Variants in APOO observed in about 807,000 individuals in gnomAD.
APOO encodes the protein MICOS complex subunit MIC26.
APOO carries 11 observed loss-of-function variants against 23.1 expected under a neutral mutation model. That is an observed-to-expected ratio of 0.48 (90% CI 0.30 to 0.79). The LOEUF is 0.79. Among genes scored for constraint, APOO ranks in the 30% least tolerant of loss-of-function variants. The pLI, the probability that APOO is intolerant of heterozygous loss-of-function variation, is 0.07. For synonymous variants in APOO, 59 were observed against 54.8 expected, an observed-to-expected ratio of 1.08 and a Z score of -0.34; for missense variants, 160 against 142.7, an observed-to-expected ratio of 1.12 and a Z score of -0.62.
At chrX:23,855,449 A>AT (rs1369920873) in intron 7 of APOO, among the ~76,000 whole-genome samples, 2 of 111,479 alleles carry the variant, frequency 1.8e-5, no homozygotes, top group Non-Finnish European at 3.8e-5. Flanking sequence ...ATTTATATGT[A>AT]TTTTTTTAAC....
chrX:23,900,264 A>G (rs889605943), intron 1 of APOO, among the ~76,000 whole-genome samples: 1 of 112,200 alleles, frequency 8.9e-6, no homozygotes, highest in African/African-American at 3.2e-5. Context: ...AGTGCTTTGT[A>G]GTTCACGGTT....
intron 1 of APOO, among the ~76,000 whole-genome samples, chrX:23,904,115 CAT>C (rs1277769594): frequency 1.8e-5 from 2 of 111,694 alleles, no homozygotes; most frequent in African/African-American, 6.5e-5. Flanking sequence ...GTAACTAACT[CAT>C]ATCTCATCTA....
chrX:23,860,597 C>T (rs1014957906), intron 5 of APOO, among the ~76,000 whole-genome samples: 3 of 109,725 alleles, frequency 2.7e-5, no homozygotes, highest in Non-Finnish European at 3.8e-5. Context: ...ACTGCAGCCT[C>T]GACCTCCCAG....
intron 3 of APOO, among the ~76,000 whole-genome samples, chrX:23,874,967 T>C (rs1454251580): frequency 1.8e-5 from 2 of 111,681 alleles, no homozygotes; most frequent in African/African-American, 3.2e-5. Context: ...AAAGGCTTTG[T>C]GGCCAGGCAT....
chrX:23,880,788 T>A, intron 2 of APOO, 57 bp downstream of exon 2: 6 of 719,039 alleles, frequency 8.3e-6, no homozygotes, highest in African/African-American at 2.2e-5. Flanking sequence ...TAAAAAATTA[T>A]CCTACAGTAA....
chrX:23,896,051 C>T (rs946687406), intron 1 of APOO, among the ~76,000 whole-genome samples: 1 of 110,456 alleles, frequency 9.1e-6, no homozygotes, highest in Non-Finnish European at 1.9e-5. Flanking sequence ...GGGCAGACCA[C>T]GAGGTCAGTG....
At chrX:23,875,481 C>T (rs958418447) in intron 3 of APOO, among the ~76,000 whole-genome samples, 2 of 102,023 alleles carry the variant, frequency 2.0e-5, no homozygotes, top group East Asian at 3.2e-4. Context: ...TGCAGTGGCG[C>T]GACCTCGGCT....
At chrX:23,851,384 G>A (rs754809495) in intron 7 of APOO, among the ~76,000 whole-genome samples, 1 of 111,107 alleles carries the variant, frequency 9.0e-6, no homozygotes, top group East Asian at 2.8e-4. Context: ...TAGTAGAGAC[G>A]GGTTTTCACC....
rs113429980 is a variant in APOO at position 23,853,255 on chromosome X, C to A, written c.561+3047G>T. On this transcript the variant is annotated intron_variant, in intron 7 of 8. Coordinates refer to ENST00000379226, the MANE Select transcript of APOO (RefSeq NM_024122.5). ...CCTGGGCAACAGAGCAAGATTCCAT[C>A]TCAAAAATAAATAAATAAACCAAAA... Among the ~76,000 whole-genome samples, 343 of 110,933 alleles carry A rather than the reference C, an allele frequency of 3.1e-3. 1 individual carries two copies. The highest frequency in any genetic ancestry group is 0.011 in the African/African-American group (322 of 30,505).
intron 1 of APOO, among the ~76,000 whole-genome samples, chrX:23,892,812 G>A (rs2147040526): frequency 9.5e-6 from 1 of 105,740 alleles, no homozygotes; most frequent in East Asian, 3.1e-4. Flanking sequence ...GAGCCACCGC[G>A]CCTGGCCTCA....
In APOO at chrX:23,880,942, C is replaced by T; in HGVS notation, c.20G>A (p.Arg7Lys). Reference protein sequence around the residue: MFKVIQRSVGPASLSLL... With the variant: MFKVIQKSVGPASLSLL... The stretch of plus-strand genomic sequence containing the variant: ...GCTCAGGCTGGCTGGCCCCACGGAC[C>T]TCTGAATTACCTGAAATGCAGAAGC... Residue 7 changes from arginine to lysine, a missense_variant, in exon 2 of 9, where the codon AGG (arginine) becomes AAG (lysine). Transcript: ENST00000379226. 8.5e-7 allele frequency: 1 copy of T among 1,174,416 alleles called. No individual in the cohort carries two copies. Among genetic ancestry groups the T allele is most frequent in the Non-Finnish European group, 1.1e-6 (1 of 877,000 alleles).
At chrX:23,843,285 A>G (rs1924078518) in intron 7 of APOO, among the ~76,000 whole-genome samples, 1 of 111,312 alleles carries the variant, frequency 9.0e-6, no homozygotes, top group African/African-American at 3.3e-5. Context: ...TTGGTTACAT[A>G]TCACTTATAG....
intron 4 of APOO, 66 bp downstream of exon 4, chrX:23,874,337 G>T: frequency 1.0e-6 from 1 of 955,913 alleles, no homozygotes; most frequent in South Asian, 2.1e-5. Flanking sequence ...CTCATTCATG[G>T]AACTCCGATT....
At chrX:23,870,306 G>C (rs761791589) in intron 4 of APOO, among the ~76,000 whole-genome samples, 53 of 111,013 alleles carry the variant, frequency 4.8e-4, no homozygotes, top group African/African-American at 1.6e-3. Flanking sequence ...CTCCTCTAAA[G>C]TCCCATCATA....
chrX:23,853,005 C>A (rs1275406073), intron 7 of APOO, among the ~76,000 whole-genome samples: 2 of 110,113 alleles, frequency 1.8e-5, no homozygotes, highest in African/African-American at 6.6e-5. Context: ...CGCCTGTAAT[C>A]CCAGCACTTT....
intron 3 of APOO, among the ~76,000 whole-genome samples, chrX:23,878,633 CTT>C (rs1315580030): frequency 3.6e-5 from 4 of 112,024 alleles, no homozygotes; most frequent in Non-Finnish European, 7.5e-5. Flanking sequence ...CAATTACACT[CTT>C]TAAGTTATTT....
At chrX:23,886,778 C>T (rs1926383821) in intron 1 of APOO, among the ~76,000 whole-genome samples, 1 of 112,016 alleles carries the variant, frequency 8.9e-6, no homozygotes, top group African/African-American at 3.2e-5. Flanking sequence ...AAAAAGGAAG[C>T]TGGCCAGACC....
rs1412860746 is a variant in APOO, at chrX:23,888,959, A to ACAAGACT, written c.10-8014_10-8008dup. ...GTTTAAGACCAGCCTGGGCAACATA[A>ACAAGACT]CAAGACTCCATCTCTACAAAAAAAA... On this transcript the variant is annotated intron_variant, in intron 1 of 8. Coordinates refer to ENST00000379226, the MANE Select transcript of APOO (RefSeq NM_024122.5). Among the ~76,000 whole-genome samples, 8 of 102,259 alleles carry ACAAGACT rather than the reference A, an allele frequency of 7.8e-5. No individual in the cohort carries two copies. The East Asian group carries it at 1.5e-3, about 19-fold the overall frequency. The allele number at this position is 102,259 out of a possible 115,157, so 88.8% of individuals were successfully genotyped here.
chrX:23,850,847 C>T (rs1162316689), intron 7 of APOO, among the ~76,000 whole-genome samples: 1 of 111,218 alleles, frequency 9.0e-6, no homozygotes, highest in African/African-American at 3.3e-5. Context: ...AACAACAACA[C>T]AAAGAAAATA....
Sources: allele counts gnomAD v4.1 joint callset (sites outside exome capture counted in the v4.1 genomes callset), GRCh38; gene constraint gnomAD v4.1.1; transcripts MANE v1.5; gene names NCBI Gene and HGNC (gene_info 2026-07-23, HGNC 2026-07-21).